Variants in FYN observed in about 807,000 individuals in gnomAD.
FYN encodes FYN proto-oncogene, Src family tyrosine kinase.
Under a neutral mutation model 70.2 loss-of-function variants are expected in FYN, and 10 were observed. The observed-to-expected ratio is 0.14, with a 90% CI of 0.09 to 0.24. The LOEUF (loss-of-function observed/expected upper bound fraction) is 0.24. Among genes scored for constraint, FYN ranks in the 10% least tolerant of loss-of-function variants. The pLI, the probability that FYN is intolerant of heterozygous loss-of-function variation, is 1.00. For synonymous variants in FYN, 236 were observed against 248.6 expected, an observed-to-expected ratio of 0.95 and a Z score of 0.48; for missense variants, 319 against 673.1, an observed-to-expected ratio of 0.47 and a Z score of 5.82.
At chr6:111,783,426 T>C (rs1771249877) in intron 2 of FYN, among the ~76,000 whole-genome samples, 1 of 152,188 alleles carries the variant, frequency 6.6e-6, no homozygotes, top group Non-Finnish European at 1.5e-5. Context: ...TCCATTTCAT[T>C]TGAGTTTGTT....
chr6:111,689,353 C>T (rs937817708), intron 12 of FYN, among the ~76,000 whole-genome samples: 2 of 152,202 alleles, frequency 1.3e-5, no homozygotes, highest in Admixed American at 6.5e-5. Context: ...AAATGACACA[C>T]TAAGTGTGTA....
chr6:111,786,054 T>C (rs1771364816), intron 2 of FYN, among the ~76,000 whole-genome samples: 1 of 151,804 alleles, frequency 6.6e-6, no homozygotes. Flanking sequence ...CACATTCTTT[T>C]ATTTTAAATT....
At chr6:111,825,715 C>G (rs1772811182) in intron 2 of FYN, among the ~76,000 whole-genome samples, 1 of 151,994 alleles carries the variant, frequency 6.6e-6, no homozygotes, top group Non-Finnish European at 1.5e-5. Flanking sequence ...TTCTGTGATG[C>G]AGAATCAGGA....
intron 2 of FYN, among the ~76,000 whole-genome samples, chr6:111,785,991 C>T (rs1274670911): frequency 6.6e-6 from 1 of 151,898 alleles, no homozygotes; most frequent in East Asian, 1.9e-4. Context: ...CTACAAAGGA[C>T]ATGAACTCAT....
intron 8 of FYN, among the ~76,000 whole-genome samples, chr6:111,701,961 T>A (rs1215669433): frequency 6.6e-6 from 1 of 152,214 alleles, no homozygotes; most frequent in Non-Finnish European, 1.5e-5. Flanking sequence ...AAATTATACA[T>A]ACATATTTCA....
At chr6:111,754,649 G>A (rs6910389) in intron 3 of FYN, 17,397 of 152,180 alleles carry the variant, frequency 0.11, 2,131 homozygotes, top group African/African-American at 0.3. Context: ...ACAGGCAAGG[G>A]TTACAGTCGC....
intron 2 of FYN, among the ~76,000 whole-genome samples, chr6:111,839,955 T>C (rs1773306659): frequency 6.6e-6 from 1 of 152,174 alleles, no homozygotes; most frequent in African/African-American, 2.4e-5. Flanking sequence ...CCAAGGCCTC[T>C]TCCCAGCTTT....
intron 12 of FYN, among the ~76,000 whole-genome samples, chr6:111,692,302 G>A (rs1799369532): frequency 6.6e-6 from 1 of 152,166 alleles, no homozygotes; most frequent in African/African-American, 2.4e-5. Context: ...TTTTGAAAGG[G>A]GCTCTGACGG....
chr6:111,697,199 G>C (rs1799611518), intron 9 of FYN, among the ~76,000 whole-genome samples: 1 of 152,142 alleles, frequency 6.6e-6, no homozygotes, highest in Admixed American at 6.5e-5. Context: ...AAATCTGAAG[G>C]CAAGGCCTGG....
chr6:111,705,119 T>C (rs1800010889), intron 6 of FYN, among the ~76,000 whole-genome samples: 1 of 152,114 alleles, frequency 6.6e-6, no homozygotes, highest in Admixed American at 6.6e-5. Flanking sequence ...CTAAGCATTA[T>C]TGTAACTGCT....
At chr6:111,723,860 T>G (rs551988500) in intron 3 of FYN, among the ~76,000 whole-genome samples, 7 of 152,326 alleles carry the variant, frequency 4.6e-5, no homozygotes, top group Non-Finnish European at 8.8e-5. Flanking sequence ...CGGGAAACAC[T>G]GAATGATGCC....
At chr6:111,768,989 T>C (rs1328806271) in intron 3 of FYN, among the ~76,000 whole-genome samples, 2 of 152,082 alleles carry the variant, frequency 1.3e-5, no homozygotes, top group Non-Finnish European at 2.9e-5. Context: ...TCTAGGGAAA[T>C]GGTGGGGAAA....
At chr6:111,830,519 A>AGG (rs371902226) in intron 2 of FYN, among the ~76,000 whole-genome samples, 1 of 151,688 alleles carries the variant, frequency 6.6e-6, no homozygotes, top group Non-Finnish European at 1.5e-5. Flanking sequence ...GCTGGGAGAG[A>AGG]GTCCAGGGGC....
intron 3 of FYN, among the ~76,000 whole-genome samples, chr6:111,745,439 G>A (rs547184368): frequency 1.0e-3 from 158 of 152,282 alleles, no homozygotes; most frequent in Non-Finnish European, 1.7e-3. Context: ...GGTGAAAAAG[G>A]GGGTGCGCAA....
chr6:111,799,628 A>C (rs543125700), intron 2 of FYN, among the ~76,000 whole-genome samples: 175 of 152,298 alleles, frequency 1.1e-3, no homozygotes, highest in Non-Finnish European at 1.9e-3. Context: ...AAATGGTATT[A>C]ATAGGTTCAG....
intron 13 of FYN, among the ~76,000 whole-genome samples, 191 bp downstream of exon 13, chr6:111,674,308 G>T (rs1394712390): frequency 1.3e-5 from 2 of 152,190 alleles, no homozygotes; most frequent in African/African-American, 2.4e-5. Context: ...GTTCATGGTG[G>T]CTGCTTGTCT....
chr6:111,674,590 G>A lies in FYN; in HGVS notation c.1314C>T (p.Ala438=). ...FPIKWTAPEA[A]LYGRFTIKSD... is the part of the protein sequence containing the mutation. Reference sequence around the variant, plus strand: ...ACTTGATTGTGAACCTCCCGTACAGGGCTGCCTCGGGGGCCGTCCACTTGA... The same window carrying A: ...ACTTGATTGTGAACCTCCCGTACAGAGCTGCCTCGGGGGCCGTCCACTTGA... The change falls in exon 13 of 14, where the codon GCC becomes GCT. Residue 438 remains alanine (A), a synonymous_variant. Transcript: ENST00000354650. 1 of 1,613,914 alleles carries A rather than the reference G, an allele frequency of 6.2e-7. No individual in the cohort carries two copies. Among genetic ancestry groups the A allele is most frequent in the South Asian group, 1.1e-5 (1 of 91,058 alleles).
chr6:111,803,394 G>A (rs918386660), intron 2 of FYN, among the ~76,000 whole-genome samples: 2 of 151,572 alleles, frequency 1.3e-5, no homozygotes, highest in African/African-American at 4.9e-5. Context: ...TAAGTCAACC[G>A]GTAACATTAA....
chr6:111,854,215 A>G (rs527737475), intron 1 of FYN, among the ~76,000 whole-genome samples: 4 of 152,302 alleles, frequency 2.6e-5, no homozygotes, highest in African/African-American at 7.2e-5. Flanking sequence ...ACGACTATAC[A>G]GTGAAGGGAA....
Sources: gnomAD v4.1 joint callset for allele counts (sites outside exome capture counted in the v4.1 genomes callset) on GRCh38, gnomAD v4.1.1 for gene constraint, MANE v1.5 for transcripts, NCBI Gene and HGNC (gene_info 2026-07-23, HGNC 2026-07-21) for gene names.